Variants in WDR7 observed in about 807,000 individuals in gnomAD.
WDR7 encodes the protein WD repeat domain 7.
In WDR7, 46 loss-of-function variants were observed where a neutral mutation model predicts 169.4. The ratio of observed to expected loss-of-function variants is 0.27; its 90% CI spans 0.21 to 0.35. WDR7 has a LOEUF of 0.35. WDR7 is among the 10% of genes least tolerant of loss of function. The pLI, the probability that WDR7 is intolerant of heterozygous loss-of-function variation, is 1.00. For missense variants in WDR7, 1,534 were observed against 1,859.3 expected, an observed-to-expected ratio of 0.83 and a Z score of 3.22; for synonymous variants, 612 against 666.8, an observed-to-expected ratio of 0.92 and a Z score of 1.27.
rs2044545804 is a variant in WDR7 at position 56,794,311 on chromosome 18, T to TTTTTTTTTTTTTTTTG, written c.3190+12670_3190+12671insGTTTTTTTTTTTTTTT. On this transcript the variant is annotated intron_variant, in intron 19 of 27. Coordinates refer to ENST00000254442, the MANE Select transcript of WDR7 (RefSeq NM_015285.3). ...TCTTAAAAGGTAAAGTCTATTTTTT[T>TTTTTTTTTTTTTTTTG]TTTTTTTTTTTTTTTTGAGACAGAG... Among the ~76,000 whole-genome samples, 2 of 97,862 alleles carry TTTTTTTTTTTTTTTTG rather than the reference T, an allele frequency of 2.0e-5. 1 individual carries two copies. Among genetic ancestry groups the TTTTTTTTTTTTTTTTG allele is most frequent in the African/African-American group, 7.3e-5 (2 of 27,292 alleles). 64.2% of individuals were successfully genotyped at this position (97,862 alleles called of 152,430 possible).
At chr18:56,731,242 A>C in intron 13 of WDR7, 141 bp from the exon 14 acceptor site, 3 of 813,574 alleles carry the variant, frequency 3.7e-6, no homozygotes, top group Non-Finnish European at 5.7e-6. Context: ...TGTTAGAGGA[A>C]GGAAGTACAA....
intron 13 of WDR7, among the ~76,000 whole-genome samples, chr18:56,723,574 A>G (rs2026371256): frequency 1.3e-5 from 2 of 151,950 alleles, no homozygotes; most frequent in Admixed American, 6.6e-5. Context: ...AAATCTGTCA[A>G]CCTTATGTTT....
At chr18:56,778,727 A>G (rs1318345075) in intron 17 of WDR7, among the ~76,000 whole-genome samples, 3 of 152,202 alleles carry the variant, frequency 2.0e-5, no homozygotes, top group Non-Finnish European at 4.4e-5. Flanking sequence ...ATTGTGAATT[A>G]GAATTTTAGA....
intron 14 of WDR7, among the ~76,000 whole-genome samples, chr18:56,751,048 C>G (rs2043783007): frequency 6.6e-6 from 1 of 151,892 alleles, no homozygotes; most frequent in Non-Finnish European, 1.5e-5. Flanking sequence ...TGTTTTTGTT[C>G]CTGTTTTTTT....
At chr18:56,696,976 C>T (rs1405108248) in intron 12 of WDR7, among the ~76,000 whole-genome samples, 2 of 152,124 alleles carry the variant, frequency 1.3e-5, no homozygotes, top group Admixed American at 1.3e-4. Context: ...CTTTGTGGAA[C>T]CAGATTGCTT....
chr18:56,701,763 T>G (rs1160008774), intron 12 of WDR7, among the ~76,000 whole-genome samples: 2 of 152,186 alleles, frequency 1.3e-5, no homozygotes, highest in Non-Finnish European at 1.5e-5. Context: ...GTGATGCACA[T>G]AGTATAAAAT....
intron 15 of WDR7, among the ~76,000 whole-genome samples, chr18:56,757,959 ACT>A (rs1391775446): frequency 6.8e-6 from 1 of 147,114 alleles, no homozygotes; most frequent in South Asian, 2.1e-4. Context: ...ACAGAGTAAG[ACT>A]CTGTCTCAAA....
chr18:56,891,484 CTGT>C (rs967354826), intron 21 of WDR7, among the ~76,000 whole-genome samples: 4 of 151,884 alleles, frequency 2.6e-5, no homozygotes, highest in Admixed American at 6.6e-5. Flanking sequence ...ATGTTAGTTT[CTGT>C]TGTTGTTGTT....
chr18:56,950,567 A>G (rs1445241718), intron 25 of WDR7, among the ~76,000 whole-genome samples: 1 of 152,226 alleles, frequency 6.6e-6, no homozygotes, highest in Non-Finnish European at 1.5e-5. Flanking sequence ...GCACAGAATC[A>G]TGAAACATAT....
rs573576796 is a variant in WDR7 at position 56,959,902 on chromosome 18, G to A, written c.4065-2528G>A. ...GCTCCAGGAAAGAGCAGACCAGGAG[G>A]ATGGTGGGCTCTGGAAGCCTCAGCA... is the stretch of plus-strand genomic sequence containing the variant. On this transcript the variant is annotated intron_variant, in intron 25 of 27. Coordinates refer to ENST00000254442, the MANE Select transcript of WDR7 (RefSeq NM_015285.3). Among the ~76,000 whole-genome samples, 14 of 152,276 alleles carry A rather than the reference G, an allele frequency of 9.2e-5. No homozygotes were observed. In the South Asian group the frequency reaches 2.9e-3, roughly 32 times the overall value.
intron 20 of WDR7, among the ~76,000 whole-genome samples, chr18:56,874,832 A>G (rs1364941012): frequency 6.6e-6 from 1 of 152,184 alleles, no homozygotes; most frequent in Non-Finnish European, 1.5e-5. Flanking sequence ...CAACAAGAAG[A>G]AATCTTTTTT....
chr18:56,815,237 A>G (rs779309495), intron 19 of WDR7, among the ~76,000 whole-genome samples: 2 of 152,180 alleles, frequency 1.3e-5, no homozygotes, highest in Non-Finnish European at 2.9e-5. Flanking sequence ...CTAATGGGGA[A>G]ATTTTTATAT....
intron 1 of WDR7, among the ~76,000 whole-genome samples, chr18:56,671,073 A>G (rs1342185413): frequency 6.6e-6 from 1 of 152,184 alleles, no homozygotes; most frequent in Non-Finnish European, 1.5e-5. Flanking sequence ...CTCTCCTGCA[A>G]GAGGTGCACT....
chr18:56,686,625 A>G (rs1393437243), intron 6 of WDR7, among the ~76,000 whole-genome samples: 1 of 152,290 alleles, frequency 6.6e-6, no homozygotes, highest in Admixed American at 6.5e-5. Flanking sequence ...TGATACTCTG[A>G]GTATCATCAG....
chr18:56,895,356 A>AT (rs2046317987), intron 21 of WDR7, among the ~76,000 whole-genome samples: 1 of 151,942 alleles, frequency 6.6e-6, no homozygotes, highest in Non-Finnish European at 1.5e-5. Flanking sequence ...ACAAAAAAAA[A>AT]TTTTTAAAGG....
chr18:56,836,297 C>G (rs372545947), intron 20 of WDR7, among the ~76,000 whole-genome samples: 2 of 152,122 alleles, frequency 1.3e-5, no homozygotes, highest in African/African-American at 4.8e-5. Flanking sequence ...CAAACGAAAC[C>G]GTCTGCCACT....
downstream of WDR7, chr18:57,032,801 T>TTATTTATATATATATA (rs1210749361): frequency 4.7e-5 from 5 of 106,188 alleles, no homozygotes; most frequent in African/African-American, 1.6e-4. Flanking sequence ...TATAATTATT[T>TTATTTATATATATATA]TATATATATA....
At chr18:56,974,546 A>C (rs913305180) in intron 26 of WDR7, among the ~76,000 whole-genome samples, 1 of 152,044 alleles carries the variant, frequency 6.6e-6, no homozygotes, top group Admixed American at 6.5e-5. Flanking sequence ...ACTCTAGGTC[A>C]TAGAGCTTAA....
intron 16 of WDR7, among the ~76,000 whole-genome samples, chr18:56,769,989 T>C (rs1599030128): frequency 6.6e-6 from 1 of 152,166 alleles, no homozygotes; most frequent in Admixed American, 6.5e-5. Flanking sequence ...ACATTTTTTT[T>C]CTGCTTTGTT....
Sources: allele counts gnomAD v4.1 joint callset (sites outside exome capture counted in the v4.1 genomes callset), GRCh38; gene constraint gnomAD v4.1.1; transcripts MANE v1.5; gene names NCBI Gene and HGNC (gene_info 2026-07-23, HGNC 2026-07-21).